Variants in GOLGA8B observed in about 807,000 individuals in gnomAD.
GOLGA8B encodes golgin A8 family member B.
GOLGA8B carries 1 observed loss-of-function variant against 15.6 expected under a neutral mutation model. That is an observed-to-expected ratio of 0.06 (90% CI 0.02 to 0.30). GOLGA8B has a LOEUF of 0.30. GOLGA8B is among the 10% of genes least tolerant of loss of function. The pLI is 1.00. For synonymous variants in GOLGA8B, 9 were observed against 80.3 expected, an observed-to-expected ratio of 0.11 and a Z score of 4.75; for missense variants, 17 against 201.3, an observed-to-expected ratio of 0.08 and a Z score of 5.54.
chr15:34,582,563 G>T (rs1889269538), intron 1 of GOLGA8B, among the ~76,000 whole-genome samples: 2 of 152,222 alleles, frequency 1.3e-5, no homozygotes, highest in Admixed American at 6.5e-5. Context: ...GTGCCTGCCA[G>T]GTCGTATCTC....
chr15:34,567,712 G>A (rs551219596), intron 1 of GOLGA8B, among the ~76,000 whole-genome samples: 31 of 151,924 alleles, frequency 2.0e-4, no homozygotes, highest in Middle Eastern at 3.4e-3. Context: ...TGACGCACAC[G>A]GGCAGATATT....
At chr15:34,566,404 A>C (rs2140347405) in intron 1 of GOLGA8B, 1 of 144,576 alleles carries the variant, frequency 6.9e-6, no homozygotes, top group South Asian at 2.1e-4. Context: ...GTCAGACGCC[A>C]GGAGAGCGGT....
intron 1 of GOLGA8B, among the ~76,000 whole-genome samples, chr15:34,581,672 C>A (rs1323380016): frequency 1.3e-5 from 2 of 152,010 alleles, no homozygotes; most frequent in African/African-American, 4.8e-5. Context: ...AGAAAACATG[C>A]AAGGTGGAAG....
chr15:34,525,290 A>C lies in GOLGA8B; in HGVS notation c.*2342T>G, dbSNP rs1310604406. The C allele has an allele frequency of 6.7e-6, 1 of 149,850 alleles. No homozygotes were observed. Among genetic ancestry groups the C allele is most frequent in the Non-Finnish European group, 1.5e-5 (1 of 67,294 alleles). 9.3% of individuals were successfully genotyped at this position (149,850 alleles called of 1,614,324 possible). A position where few individuals can be genotyped will look rare whatever the true frequency, so the allele number is the denominator to read the frequency against. ...TAAGGCAAAAACAGCACTTTGCAACAATTTAATAATTTATCACATTACAGT... is the reference window on the plus strand; with the variant it reads ...TAAGGCAAAAACAGCACTTTGCAACCATTTAATAATTTATCACATTACAGT... On this transcript the variant is annotated 3_prime_UTR_variant, in exon 24 of 24. Transcript: ENST00000683415.
intron 1 of GOLGA8B, among the ~76,000 whole-genome samples, chr15:34,580,774 C>A (rs1386955242): frequency 6.6e-6 from 1 of 152,168 alleles, no homozygotes; most frequent in East Asian, 1.9e-4. Flanking sequence ...ACATTGAGCA[C>A]CCCCAGCCCC....
rs1005573834 is a variant in GOLGA8B at position 34,526,877 on chromosome 15, C to A, written c.*755G>T. ...TCACGATGCAATATCTTCATGAGCC[C>A]AGAGCACATACAAATCCAAAGGGAA... On this transcript the variant is annotated 3_prime_UTR_variant, in exon 24 of 24. Coordinates refer to ENST00000683415, the MANE Select transcript of GOLGA8B (RefSeq NM_001023567.5). 1.3e-5 allele frequency: 2 copies of A among 149,732 alleles called. No homozygotes were observed. The highest frequency in any genetic ancestry group is 4.9e-5 in the African/African-American group (2 of 40,416). The allele number at this position is 149,732 out of a possible 1,614,324, so 9.3% of individuals were successfully genotyped here. A position where few individuals can be genotyped will look rare whatever the true frequency, so the allele number is the denominator to read the frequency against.
In GOLGA8B at chr15:34,525,117, T is replaced by A. The variant is rs1412542086; in HGVS notation, c.*2515A>T. 6.7e-6 allele frequency: 1 copy of A among 149,938 alleles called. No individual in the cohort carries two copies. The highest frequency in any genetic ancestry group is 1.5e-5 in the Non-Finnish European group (1 of 67,308). 9.3% of individuals were successfully genotyped at this position (149,938 alleles called of 1,614,324 possible). A position where few individuals can be genotyped will look rare whatever the true frequency, so the allele number is the denominator to read the frequency against. Reference sequence around the variant, plus strand: ...AACTTTTTTAATCCCATACCTTTTTTATTTTGTGTTCTTTTAATAAACACT... The same window carrying A: ...AACTTTTTTAATCCCATACCTTTTTAATTTTGTGTTCTTTTAATAAACACT... On this transcript the variant is annotated 3_prime_UTR_variant, in exon 24 of 24. Transcript: ENST00000683415.
At chr15:34,583,446 C>A (rs572657558) in intron 1 of GOLGA8B, 70 bp downstream of exon 1, 128 of 151,252 alleles carry the variant, frequency 8.5e-4, no homozygotes, top group African/African-American at 3.0e-3. Context: ...CGTCGGGGTC[C>A]CCGCGGCGCC....
At chr15:34,565,162 T>TCTCA (rs1566934301) in intron 1 of GOLGA8B, among the ~76,000 whole-genome samples, 2 of 128,094 alleles carry the variant, frequency 1.6e-5, no homozygotes, top group African/African-American at 5.6e-5. Context: ...TGAGACGGAG[T>TCTCA]CTCACTCTTG....
At chr15:34,554,465 C>T (rs1250434294) in intron 1 of GOLGA8B, among the ~76,000 whole-genome samples, 2 of 131,648 alleles carry the variant, frequency 1.5e-5, no homozygotes, top group African/African-American at 5.7e-5. Flanking sequence ...ATACATATCA[C>T]ACACCACAAA....
At chr15:34,564,807 G>A (rs1175488653) in intron 1 of GOLGA8B, among the ~76,000 whole-genome samples, 6 of 144,164 alleles carry the variant, frequency 4.2e-5, no homozygotes, top group Middle Eastern at 3.3e-3. Flanking sequence ...AGAGAGGTGG[G>A]CAGAGACCAG....
chr15:34,526,842 C>G lies in GOLGA8B; in HGVS notation c.*790G>C, dbSNP rs1161428849. 1.3e-5 allele frequency: 2 copies of G among 149,456 alleles called. No individual in the cohort carries two copies. The highest frequency in any genetic ancestry group is 3.0e-5 in the Non-Finnish European group (2 of 67,262). The allele number at this position is 149,456 out of a possible 1,614,324, so 9.3% of individuals were successfully genotyped here. On this transcript the variant is annotated 3_prime_UTR_variant, in exon 24 of 24. Transcript: ENST00000683415. Reference sequence around the variant, plus strand: ...TTTAGGTCACTGAAAAAGAGTGCAACTGCTGCAGCTCACGATGCAATATCT... The same window carrying G: ...TTTAGGTCACTGAAAAAGAGTGCAAGTGCTGCAGCTCACGATGCAATATCT...
chr15:34,575,559 C>G (rs1452699247), intron 1 of GOLGA8B, among the ~76,000 whole-genome samples: 1 of 151,998 alleles, frequency 6.6e-6, no homozygotes, highest in Non-Finnish European at 1.5e-5. Flanking sequence ...CCATCTCCAG[C>G]TCTGACCTAC....
chr15:34,573,346 G>T (rs1888973911), intron 1 of GOLGA8B, among the ~76,000 whole-genome samples: 1 of 152,032 alleles, frequency 6.6e-6, no homozygotes, highest in African/African-American at 2.4e-5. Flanking sequence ...AGACCATCCT[G>T]GCTAACACGG....
intron 1 of GOLGA8B, 73 bp from the exon 2 acceptor site, chr15:34,554,029 T>C (rs1888421665): frequency 7.6e-6 from 1 of 132,348 alleles, no homozygotes; most frequent in African/African-American, 2.9e-5. Flanking sequence ...AGGTAGCTGC[T>C]GCCATGATTC....
rs1252440130 is a variant in GOLGA8B at position 34,526,378 on chromosome 15, T to C, written c.*1254A>G. 1 of 149,414 alleles carries C rather than the reference T, an allele frequency of 6.7e-6. No individual in the cohort carries two copies. Among genetic ancestry groups the C allele is most frequent in the African/African-American group, 2.5e-5 (1 of 40,334 alleles). The allele number at this position is 149,414 out of a possible 1,614,324, so 9.3% of individuals were successfully genotyped here. A position where few individuals can be genotyped will look rare whatever the true frequency, so the allele number is the denominator to read the frequency against. ...TTTATAATAATGTTTGTTATTATTT[T>C]CTAAAGTGTTTTCCACTCAAGGAAA... On this transcript the variant is annotated 3_prime_UTR_variant, in exon 24 of 24. Transcript: ENST00000683415.
At chr15:34,577,300 C>T (rs993824784) in intron 1 of GOLGA8B, among the ~76,000 whole-genome samples, 20 of 152,168 alleles carry the variant, frequency 1.3e-4, no homozygotes, top group Non-Finnish European at 2.6e-4. Flanking sequence ...CATGCGGTTA[C>T]TCAACTAGTG....
chr15:34,571,976 A>T (rs76252151), intron 1 of GOLGA8B, among the ~76,000 whole-genome samples: 1,649 of 135,880 alleles, frequency 0.012, no homozygotes, highest in South Asian at 0.047. Flanking sequence ...AGGAAAAGCT[A>T]CACAAATCAA....
intron 1 of GOLGA8B, among the ~76,000 whole-genome samples, chr15:34,582,130 G>C (rs1401939385): frequency 1.3e-5 from 2 of 152,174 alleles, no homozygotes; most frequent in Non-Finnish European, 2.9e-5. Context: ...AATCAGCGCA[G>C]AGTGCAGGGC....
Sources: allele counts gnomAD v4.1 joint callset (sites outside exome capture counted in the v4.1 genomes callset), GRCh38; gene constraint gnomAD v4.1.1; transcripts MANE v1.5; gene names NCBI Gene and HGNC (gene_info 2026-07-23, HGNC 2026-07-21).